Variants in PHTF1 observed in about 807,000 individuals in gnomAD.
PHTF1 encodes the protein protein PHTF1.
PHTF1 carries 88 observed loss-of-function variants against 102.4 expected under a neutral mutation model. That is an observed-to-expected ratio of 0.86 (90% CI 0.72 to 1.03). PHTF1 has a LOEUF of 1.03. Among genes scored for constraint, PHTF1 ranks in the 50% least tolerant of loss-of-function variants. PHTF1 has a pLI of 0.00. For synonymous variants in PHTF1, 289 were observed against 305.2 expected, an observed-to-expected ratio of 0.95 and a Z score of 0.55; for missense variants, 814 against 909.5, an observed-to-expected ratio of 0.89 and a Z score of 1.35.
chr1:113,754,378 T>C (rs1220884167), intron 3 of PHTF1, among the ~76,000 whole-genome samples: 1 of 150,712 alleles, frequency 6.6e-6, no homozygotes, highest in Admixed American at 6.6e-5. Flanking sequence ...GCCACTGCAC[T>C]CCAACTTGGG....
chr1:113,738,318 T>C, intron 4 of PHTF1, 50 bp from the exon 5 acceptor site: 3 of 1,428,468 alleles, frequency 2.1e-6, no homozygotes, highest in Non-Finnish European at 2.9e-6. Context: ...TACACTGTAT[T>C]GAAGGCCACC....
intron 17 of PHTF1, 52 bp from the exon 18 acceptor site, chr1:113,698,439 C>G (rs773507285): frequency 6.4e-7 from 1 of 1,551,080 alleles, no homozygotes; most frequent in Admixed American, 1.7e-5. Flanking sequence ...CTCATAGCTA[C>G]TCAGTGACTT....
At chr1:113,712,804 T>G (rs1438491367) in intron 8 of PHTF1, among the ~76,000 whole-genome samples, 3 of 102,552 alleles carry the variant, frequency 2.9e-5, no homozygotes, top group Non-Finnish European at 6.3e-5. Context: ...TTTTTTTTTT[T>G]GAGACGGAGT....
intron 5 of PHTF1, among the ~76,000 whole-genome samples, chr1:113,737,654 C>T (rs1655699241): frequency 6.6e-6 from 1 of 152,112 alleles, no homozygotes; most frequent in South Asian, 2.1e-4. Flanking sequence ...CAAAAATTAG[C>T]CAGGCACAGT....
chr1:113,722,454 A>G (rs563192111), intron 7 of PHTF1, among the ~76,000 whole-genome samples: 112 of 152,190 alleles, frequency 7.4e-4, no homozygotes, highest in African/African-American at 2.5e-3. Context: ...AAAGAAATTG[A>G]AGAGAATGCA....
At chr1:113,712,147 C>G in intron 8 of PHTF1, 34 bp from the exon 9 acceptor site, 1 of 1,564,104 alleles carries the variant, frequency 6.4e-7, no homozygotes, top group South Asian at 1.1e-5. Flanking sequence ...TCACAGGGGA[C>G]AGCCCAAAAT....
In PHTF1 at chr1:113,697,051, T is replaced by C. The variant is rs1219724179; in HGVS notation, c.*654A>G. ...CTTAAATTTTTCATGCTGAATTACA[T>C]GGCATATTGTATGCATGCATCGTTT... On this transcript the variant is annotated 3_prime_UTR_variant, in exon 19 of 19. Transcript: ENST00000369604. 1 of 152,358 alleles carries C rather than the reference T, an allele frequency of 6.6e-6. No homozygotes were observed. Among genetic ancestry groups the C allele is most frequent in the Admixed American group, 6.5e-5 (1 of 15,288 alleles). 9.4% of individuals were successfully genotyped at this position (152,358 alleles called of 1,614,324 possible). A position where few individuals can be genotyped will look rare whatever the true frequency, so the allele number is the denominator to read the frequency against.
rs1650840567 is a variant in PHTF1 at position 113,710,234 on chromosome 1, C to G, written c.1269+20G>C. ...AAGAACACAATAAATACTAGCTATT[C>G]TTATCATGTCTGCACAGACCTGCTG... On this transcript the variant is annotated intron_variant, in intron 11 of 18. Coordinates refer to ENST00000369604, the MANE Select transcript of PHTF1 (RefSeq NM_001323043.2). 6.4e-7 allele frequency: 1 copy of G among 1,564,616 alleles called. No homozygotes were observed. Among genetic ancestry groups the G allele is most frequent in the Non-Finnish European group, 8.8e-7 (1 of 1,136,424 alleles).
At chr1:113,698,055 T>TA in intron 18 of PHTF1, among the ~76,000 whole-genome samples, 1 of 152,256 alleles carries the variant, frequency 6.6e-6, no homozygotes, top group Middle Eastern at 3.4e-3. Context: ...CACTGTCTGT[T>TA]ATATTTGTGT....
chr1:113,724,146 G>T (rs1172967539), intron 7 of PHTF1, among the ~76,000 whole-genome samples: 1 of 152,080 alleles, frequency 6.6e-6, no homozygotes, highest in East Asian at 1.9e-4. Context: ...TGGAGAAAAG[G>T]GAACCCCCGT....
intron 3 of PHTF1, among the ~76,000 whole-genome samples, chr1:113,751,918 G>C (rs911943850): frequency 1.3e-5 from 2 of 152,188 alleles, no homozygotes; most frequent in Admixed American, 1.3e-4. Context: ...TGTTCTAACA[G>C]ATGTATTATA....
At chr1:113,713,034 G>A (rs557158478) in intron 8 of PHTF1, among the ~76,000 whole-genome samples, 8 of 152,204 alleles carry the variant, frequency 5.3e-5, no homozygotes, top group Admixed American at 5.2e-4. Flanking sequence ...CTCGTGATCC[G>A]CCTGTCTCGG....
intron 5 of PHTF1, among the ~76,000 whole-genome samples, chr1:113,734,482 G>A (rs896921705): frequency 1.3e-5 from 2 of 152,220 alleles, no homozygotes; most frequent in African/African-American, 4.8e-5. Flanking sequence ...TAAAGAACTT[G>A]TTGAACTGTA....
chr1:113,741,464 AT>A (rs1656340211), intron 3 of PHTF1, among the ~76,000 whole-genome samples: 1 of 152,192 alleles, frequency 6.6e-6, no homozygotes, highest in African/African-American at 2.4e-5. Context: ...AGGTAAAAAT[AT>A]TACTTTTTAC....
chr1:113,737,253 AAAG>A lies in PHTF1; in HGVS notation c.331+854_331+856del, dbSNP rs535622554. Among the ~76,000 whole-genome samples, 60 of 152,234 alleles carry A rather than the reference AAAG, an allele frequency of 3.9e-4. 1 individual carries two copies. The South Asian group carries it at 0.012, about 31-fold the overall frequency. On this transcript the variant is annotated intron_variant, in intron 5 of 18. Transcript: ENST00000369604. ...GTATCATTTAATGAACTGGAGACAA[AAAG>A]AAGAACAAGTTTACACACACAGGCA...
chr1:113,704,853 A>G, intron 13 of PHTF1, 56 bp from the exon 14 acceptor site: 1 of 1,163,840 alleles, frequency 8.6e-7, no homozygotes, highest in Admixed American at 2.3e-5. Context: ...CTGTGTATTC[A>G]TATAATTGCC....
chr1:113,735,250 C>T (rs947782107), intron 5 of PHTF1, among the ~76,000 whole-genome samples: 3 of 150,444 alleles, frequency 2.0e-5, no homozygotes, highest in African/African-American at 7.3e-5. Flanking sequence ...TCTGTAGTCC[C>T]AGTTACTTCG....
Position 113,706,071 on chromosome 1 carries a change from A to G in PHTF1, c.1490T>C (p.Phe497Ser), listed in dbSNP as rs199923434. 1.1e-5 allele frequency: 18 copies of G among 1,614,142 alleles called. No homozygotes were observed. In the Admixed American group the frequency reaches 2.8e-4, roughly 25 times the overall value. Residue 497 changes from phenylalanine (F) to serine (S), a missense_variant, in exon 13 of 19, where the codon TTC (phenylalanine) becomes TCC (serine). Coordinates refer to ENST00000369604, the MANE Select transcript of PHTF1 (RefSeq NM_001323043.2). The part of the protein sequence containing the change: ...LAFFPFLHRL[F>S]REKSLDQLKS... Reference sequence around the variant, plus strand: ...TAGTTGGTCAAGGCTCTTCTCACGGAAAAGTCGATGTAAGAATGGAAAAAA... The same window carrying G: ...TAGTTGGTCAAGGCTCTTCTCACGGGAAAGTCGATGTAAGAATGGAAAAAA...
At chr1:113,749,218 CTCTTT>C (rs1021452929) in intron 3 of PHTF1, among the ~76,000 whole-genome samples, 4 of 152,028 alleles carry the variant, frequency 2.6e-5, no homozygotes, top group Admixed American at 1.3e-4. Flanking sequence ...TGCTTCTTTT[CTCTTT>C]TCTTCTTTTT....
Sources: gnomAD v4.1 joint callset for allele counts (sites outside exome capture counted in the v4.1 genomes callset) on GRCh38, gnomAD v4.1.1 for gene constraint, MANE v1.5 for transcripts, NCBI Gene and HGNC (gene_info 2026-07-23, HGNC 2026-07-21) for gene names.